NRCAM: variants seen among roughly 807,000 people sequenced by gnomAD.
NRCAM encodes the protein NgCAM-related cell adhesion molecule.
Under a neutral mutation model 156.5 loss-of-function variants are expected in NRCAM, and 83 were observed. The observed-to-expected ratio is 0.53, with a 90% confidence interval of 0.44 to 0.64. The LOEUF (loss-of-function observed/expected upper bound fraction) is 0.64. NRCAM is among the 30% of genes least tolerant of loss of function. The pLI, the probability that NRCAM is intolerant of heterozygous loss-of-function variation, is 0.00. For synonymous variants in NRCAM, 538 were observed against 563.9 expected, an observed-to-expected ratio of 0.95 and a Z score of 0.65; for missense variants, 1,417 against 1,597.3, an observed-to-expected ratio of 0.89 and a Z score of 1.92.
At chr7:108,152,552 A>ATAAG (rs1010561035) in intron 32 of NRCAM, among the ~76,000 whole-genome samples, 11 of 152,262 alleles carry the variant, frequency 7.2e-5, no homozygotes, top group African/African-American at 2.6e-4. Context: ...GTTTCAAAGA[A>ATAAG]TAAGTGACAT....
chr7:108,443,694 T>C (rs1841147758), intron 1 of NRCAM, among the ~76,000 whole-genome samples: 2 of 152,164 alleles, frequency 1.3e-5, no homozygotes, highest in East Asian at 1.9e-4. Context: ...GGCAGCAAAG[T>C]TGCAGCTGAT....
At chr7:108,303,576 A>G (rs1324888238) in intron 3 of NRCAM, among the ~76,000 whole-genome samples, 1 of 152,178 alleles carries the variant, frequency 6.6e-6, no homozygotes, top group East Asian at 1.9e-4. Context: ...ATGGAATCCC[A>G]TAATCTATCC....
intron 25 of NRCAM, among the ~76,000 whole-genome samples, chr7:108,179,963 C>G (rs1375500476): frequency 1.3e-5 from 2 of 152,140 alleles, no homozygotes; most frequent in East Asian, 3.8e-4. Context: ...AGGTTTCAGA[C>G]AGTGTGTGTG....
chr7:108,188,130 G>A (rs1238770535), intron 20 of NRCAM, among the ~76,000 whole-genome samples: 1 of 152,184 alleles, frequency 6.6e-6, no homozygotes, highest in Non-Finnish European at 1.5e-5. Context: ...TCAGACTACA[G>A]TATAGTATAG....
chr7:108,303,108 C>T (rs1429458371), intron 3 of NRCAM, among the ~76,000 whole-genome samples: 3 of 152,078 alleles, frequency 2.0e-5, no homozygotes, highest in African/African-American at 7.2e-5. Flanking sequence ...ATTACAGACA[C>T]GTGCCACCAC....
At chr7:108,430,204 G>C (rs1005980715) in intron 1 of NRCAM, among the ~76,000 whole-genome samples, 1 of 151,440 alleles carries the variant, frequency 6.6e-6, no homozygotes, top group African/African-American at 2.4e-5. Flanking sequence ...AAGAGGAGTG[G>C]GTTGGTATTA....
intron 1 of NRCAM, among the ~76,000 whole-genome samples, chr7:108,404,178 T>C (rs953769850): frequency 5.3e-5 from 8 of 152,166 alleles, no homozygotes; most frequent in African/African-American, 1.9e-4. Context: ...TGCACGAGCC[T>C]ATTAAAAAAG....
intron 25 of NRCAM, among the ~76,000 whole-genome samples, chr7:108,178,903 T>C (rs1295280237): frequency 1.3e-5 from 2 of 152,178 alleles, no homozygotes; most frequent in African/African-American, 4.8e-5. Context: ...CTTCCCTATC[T>C]GCCTCATTTC....
At chr7:108,205,801 C>G (rs1325719088) in intron 13 of NRCAM, among the ~76,000 whole-genome samples, 1 of 152,124 alleles carries the variant, frequency 6.6e-6, no homozygotes, top group Non-Finnish European at 1.5e-5. Context: ...GTTGCCCAGG[C>G]TGGTCTCTAA....
chr7:108,284,324 G>A (rs2097987257), intron 3 of NRCAM, among the ~76,000 whole-genome samples: 1 of 152,088 alleles, frequency 6.6e-6, no homozygotes, highest in Non-Finnish European at 1.5e-5. Context: ...GTTCAGGTGA[G>A]TCTCTCTTCT....
intron 3 of NRCAM, among the ~76,000 whole-genome samples, chr7:108,296,491 G>A (rs2098456729): frequency 6.6e-6 from 1 of 152,116 alleles, no homozygotes; most frequent in Admixed American, 6.5e-5. Context: ...TGTGACTGAA[G>A]CAGTAGCAAC....
chr7:108,289,005 C>T (rs966872913), intron 3 of NRCAM, among the ~76,000 whole-genome samples: 50 of 152,026 alleles, frequency 3.3e-4, no homozygotes, highest in African/African-American at 1.2e-3. Flanking sequence ...TGGAATAGCA[C>T]ATGAATTGAA....
chr7:108,274,245 A>C (rs2097501018), intron 3 of NRCAM, among the ~76,000 whole-genome samples: 1 of 152,070 alleles, frequency 6.6e-6, no homozygotes, highest in Non-Finnish European at 1.5e-5. Context: ...TCCATATGAA[A>C]TTTAAAGTAG....
In NRCAM at chr7:108,189,669, C is replaced by T. The variant is rs140011491; in HGVS notation, c.2011G>A (p.Asp671Asn). Residue 671 changes from aspartate (D) to asparagine (N), a missense_variant, in exon 20 of 33, where the codon GAT becomes AAT. Physicochemically the swap from Asp to Asn is conservative, Grantham distance 23 (BLOSUM62 1). Around this residue, in one of 2 missense-constraint regions of NRCAM, gnomAD observed 1,238 missense variants for 1,336.4 expected, o/e 0.93. Transcript: ENST00000379028. ...CTTGTAATGGGGCTATTGTTGTCAT[C>T]GCCTGGGGTCCATGACAGCTGAACA... ...KSVQLSWTPGDDNNSPITKFI... is the reference protein window; with the variant it reads ...KSVQLSWTPGNDNNSPITKFI... 111 of 1,487,310 alleles carry T rather than the reference C, an allele frequency of 7.5e-5. No individual in the cohort carries two copies. Among genetic ancestry groups the T allele is most frequent in the South Asian group, 4.2e-4 (37 of 87,154 alleles). 92.1% of individuals were successfully genotyped at this position (1,487,310 alleles called of 1,614,324 possible). A position where few individuals can be genotyped will look rare whatever the true frequency, so the allele number is the denominator to read the frequency against.
chr7:108,231,181 T>G (rs1167273222), intron 7 of NRCAM, 28 bp from the exon 8 acceptor site: 1 of 1,536,524 alleles, frequency 6.5e-7, no homozygotes, highest in East Asian at 2.4e-5. Flanking sequence ...AACTTCTCAG[T>G]TATTTCTGCA....
chr7:108,153,533 CTT>C (rs1040068027), intron 32 of NRCAM, among the ~76,000 whole-genome samples: 1 of 151,964 alleles, frequency 6.6e-6, no homozygotes, highest in African/African-American at 2.4e-5. Flanking sequence ...ACACTGAAAA[CTT>C]TGTTTGAAAT....
At chr7:108,381,550 T>C (rs1460240548) in intron 2 of NRCAM, among the ~76,000 whole-genome samples, 1 of 102,352 alleles carries the variant, frequency 9.8e-6, no homozygotes, top group African/African-American at 3.1e-5. Flanking sequence ...GCTTTGACCA[T>C]TTTTTTTTTT....
chr7:108,394,037 A>C (rs2099769903), intron 2 of NRCAM, among the ~76,000 whole-genome samples: 1 of 152,202 alleles, frequency 6.6e-6, no homozygotes, highest in African/African-American at 2.4e-5. Context: ...TCACAACAAA[A>C]GCCTCAGCCA....
intron 3 of NRCAM, among the ~76,000 whole-genome samples, chr7:108,249,689 T>C (rs1420328980): frequency 6.6e-6 from 1 of 152,212 alleles, no homozygotes; most frequent in Non-Finnish European, 1.5e-5. Context: ...GCATGAATGT[T>C]AGAAACAATG....
Sources: gnomAD v4.1 joint callset for allele counts (sites outside exome capture counted in the v4.1 genomes callset) on GRCh38, gnomAD v4.1.1 for gene constraint, gnomAD v4.1.1 regional missense constraint, MANE v1.5 for transcripts, NCBI Gene and HGNC (gene_info 2026-07-23, HGNC 2026-07-21) for gene names.